DNAI7: variants seen among roughly 807,000 people sequenced by gnomAD.
DNAI7 encodes cancer susceptibility 1.
Under a neutral mutation model 86.6 loss-of-function variants are expected in DNAI7, and 78 were observed. The ratio of observed to expected loss-of-function variants is 0.90; its 90% confidence interval spans 0.75 to 1.09. The LOEUF is 1.09. DNAI7 is among the 50% of genes least tolerant of loss of function. The pLI, the probability that DNAI7 is intolerant of heterozygous loss-of-function variation, is 0.00. For synonymous variants in DNAI7, 274 were observed against 273.0 expected (o/e 1.00, Z -0.04); for missense variants, 753 against 810.2 (o/e 0.93, Z 0.86).
intron 2 of DNAI7, among the ~76,000 whole-genome samples, chr12:25,188,189 A>C (rs11611468): frequency 0.49 from 74,928 of 152,052 alleles, 19,413 homozygotes; most frequent in East Asian, 0.8. Flanking sequence ...CAGTAATGTT[A>C]AAATGTAAAA....
chr12:25,164,083 C>G (rs1947146460), intron 2 of DNAI7, among the ~76,000 whole-genome samples: 1 of 152,192 alleles, frequency 6.6e-6, no homozygotes, highest in Admixed American at 6.5e-5. Flanking sequence ...GCGGCAAGTA[C>G]CGCTTTTCTG....
Position 25,195,096 on chromosome 12 carries a change from T to G in DNAI7, c.-18A>C, listed in dbSNP as rs375133502. 1.2e-6 allele frequency: 2 copies of G among 1,613,728 alleles called. No individual in the cohort carries two copies. The highest frequency in any genetic ancestry group is 1.7e-6 in the Non-Finnish European group (2 of 1,179,568). ...CTCACCATTAAGAGTCAAGCTCCACTGCAGTAGTCCGCAGAGTCGGAGCAG... is the reference window on the plus strand; with the variant it reads ...CTCACCATTAAGAGTCAAGCTCCACGGCAGTAGTCCGCAGAGTCGGAGCAG... On this transcript the variant is annotated 5_prime_UTR_variant, in exon 1 of 16. Transcript: ENST00000395987.
chr12:25,153,467 C>T (rs1165993629), intron 6 of DNAI7, among the ~76,000 whole-genome samples: 1 of 152,102 alleles, frequency 6.6e-6, no homozygotes, highest in Non-Finnish European at 1.5e-5. Flanking sequence ...TTAGTGGAGA[C>T]ATTTTTGTTT....
At chr12:25,118,799 C>CA (rs1245214452) in intron 12 of DNAI7, among the ~76,000 whole-genome samples, 1 of 152,168 alleles carries the variant, frequency 6.6e-6, no homozygotes, top group Non-Finnish European at 1.5e-5. Flanking sequence ...CTCCTGAGCT[C>CA]AGGTGATCTG....
At chr12:25,194,808 T>C (rs1950890197) in intron 1 of DNAI7, 1 of 1,463,000 alleles carries the variant, frequency 6.8e-7, no homozygotes, top group African/African-American at 1.4e-5. Flanking sequence ...TTTTCAAGCT[T>C]AGCAACATTC....
chr12:25,124,241 C>T (rs1941760794), intron 9 of DNAI7, among the ~76,000 whole-genome samples: 1 of 152,056 alleles, frequency 6.6e-6, no homozygotes, highest in Admixed American at 6.6e-5. Context: ...ACTAGCCTTT[C>T]CCATCTCTCA....
rs1938923134 is a variant in DNAI7 at position 25,111,937 on chromosome 12, T to C, written c.1614A>G (p.Glu538=). The change falls in exon 14 of 16, where the codon GAA becomes GAG. Residue 538 remains glutamate, a splice_region_variant and synonymous_variant. Transcript: ENST00000395987. ...VFTEIQIQIK[E]NLCMLSSIKL... ...TGATTGAAGATAACATGCAGAGGTT[T>C]TCCTAGTTTAAATAAGAAAAAAGAA... The C allele has an allele frequency of 1.3e-6, 2 of 1,569,904 alleles. No individual in the cohort carries two copies. The highest frequency in any genetic ancestry group is 4.0e-5 in the Admixed American group (2 of 50,178).
rs1302062895 is a variant in DNAI7 at position 25,110,145 on chromosome 12, AG to A, written c.1874del (p.Ser625LeufsTer8). Reference sequence around the variant, plus strand: ...ATCATACCTTAAATACGACTTTTGTAGAATTACATAGTAGGTTCCACTTGCT... The same window carrying A: ...ATCATACCTTAAATACGACTTTTGTAAATTACATAGTAGGTTCCACTTGCT... ...GWSKWNLLCN[S>X]TKVVFKVREH... On this transcript the variant is annotated frameshift_variant, in exon 15 of 16. Transcript: ENST00000395987. LOFTEE classifies it low-confidence loss of function (END_TRUNC). 6.3e-7 allele frequency: 1 copy of A among 1,594,036 alleles called. No homozygotes were observed. Among genetic ancestry groups the A allele is most frequent in the Non-Finnish European group, 8.6e-7 (1 of 1,162,126 alleles).
chr12:25,185,819 T>A, intron 2 of DNAI7: 1 of 926,654 alleles, frequency 1.1e-6, no homozygotes, highest in Non-Finnish European at 1.3e-6. Context: ...GTACAGACTA[T>A]AGCAATAAGC....
At chr12:25,193,924 C>T (rs1052308736) in intron 1 of DNAI7, among the ~76,000 whole-genome samples, 3 of 151,952 alleles carry the variant, frequency 2.0e-5, no homozygotes, top group Admixed American at 6.6e-5. Context: ...CAGGTTCAAG[C>T]GATTCTCTTG....
At chr12:25,130,037 T>C (rs188043869) in intron 9 of DNAI7, among the ~76,000 whole-genome samples, 1 of 152,058 alleles carries the variant, frequency 6.6e-6, no homozygotes, top group Admixed American at 6.5e-5. Flanking sequence ...GCTGGGATTA[T>C]AGGCATGAGA....
intron 14 of DNAI7, among the ~76,000 whole-genome samples, chr12:25,111,018 T>G (rs2140334358): frequency 6.6e-6 from 1 of 152,114 alleles, no homozygotes; most frequent in African/African-American, 2.4e-5. Flanking sequence ...AAACCAAGGG[T>G]TTTTTTCCTA....
At chr12:25,139,813 G>A (rs972927298) in intron 9 of DNAI7, among the ~76,000 whole-genome samples, 1 of 152,060 alleles carries the variant, frequency 6.6e-6, no homozygotes, top group Admixed American at 6.6e-5. Flanking sequence ...AAACCTGCAC[G>A]TTCTGCACAG....
downstream of DNAI7, chr12:25,107,787 T>C: frequency 6.3e-7 from 1 of 1,595,744 alleles, no homozygotes; most frequent in Non-Finnish European, 8.6e-7. Context: ...AATTACCGAT[T>C]ACCAAATTCT....
At chr12:25,130,176 G>A (rs1291588276) in intron 9 of DNAI7, among the ~76,000 whole-genome samples, 1 of 152,166 alleles carries the variant, frequency 6.6e-6, no homozygotes, top group Non-Finnish European at 1.5e-5. Flanking sequence ...ACAAGAGCGT[G>A]TTGAATCCCT....
chr12:25,140,148 C>T (rs1226763266), intron 9 of DNAI7, among the ~76,000 whole-genome samples: 1 of 151,962 alleles, frequency 6.6e-6, no homozygotes, highest in Non-Finnish European at 1.5e-5. Flanking sequence ...ACAAGGATGC[C>T]CCCTTTCACA....
At chr12:25,164,487 A>C (rs1282506474) in intron 2 of DNAI7, among the ~76,000 whole-genome samples, 2 of 152,052 alleles carry the variant, frequency 1.3e-5, no homozygotes, top group East Asian at 3.9e-4. Context: ...ACCTGACCTA[A>C]AACCTAAATG....
chr12:25,135,298 A>T (rs1943412086), intron 9 of DNAI7, among the ~76,000 whole-genome samples: 1 of 152,250 alleles, frequency 6.6e-6, no homozygotes, highest in African/African-American at 2.4e-5. Context: ...TAGAAGAAGC[A>T]GTGGGAAGAG....
chr12:25,149,814 A>G (rs1945285682), intron 6 of DNAI7, 40 bp from the exon 7 acceptor site: 1 of 1,264,704 alleles, frequency 7.9e-7, no homozygotes, highest in Non-Finnish European at 1.1e-6. Context: ...TCTCAGAGAA[A>G]TAGTCAAGGA....
Sources: allele counts gnomAD v4.1 joint callset (sites outside exome capture counted in the v4.1 genomes callset), GRCh38; gene constraint gnomAD v4.1.1; transcripts MANE v1.5; gene names NCBI Gene and HGNC (gene_info 2026-07-23, HGNC 2026-07-21).